RAD9B: variants seen among roughly 807,000 people sequenced by gnomAD.
RAD9B encodes the protein RAD9 checkpoint clamp component B.
In RAD9B, 41 loss-of-function variants were observed where a neutral mutation model predicts 48.3. The ratio of observed to expected loss-of-function variants is 0.85; its 90% confidence interval spans 0.66 to 1.10. RAD9B has a LOEUF of 1.10. RAD9B is among the 50% of genes least tolerant of loss of function. The pLI, the probability that RAD9B is intolerant of heterozygous loss-of-function variation, is 0.00. For synonymous variants in RAD9B, 160 were observed against 157.9 expected (o/e 1.01, Z -0.10); for missense variants, 444 against 485.1 (o/e 0.92, Z 0.80).
intron 10 of RAD9B, among the ~76,000 whole-genome samples, chr12:110,523,124 A>G (rs1421328084): frequency 3.9e-5 from 6 of 152,184 alleles, no homozygotes; most frequent in African/African-American, 1.4e-4. Flanking sequence ...AAGCAAAAAT[A>G]ATATTTTTGA....
At chr12:110,527,445 G>T (rs2063981739) in intron 10 of RAD9B, among the ~76,000 whole-genome samples, 1 of 152,198 alleles carries the variant, frequency 6.6e-6, no homozygotes, top group African/African-American at 2.4e-5. Context: ...GCCTGCCACA[G>T]CCAGTATCAC....
intron 4 of RAD9B, among the ~76,000 whole-genome samples, chr12:110,507,680 C>T (rs1428915080): frequency 2.0e-5 from 3 of 148,608 alleles, no homozygotes; most frequent in East Asian, 2.0e-4. Context: ...GATGGAGTTT[C>T]GCTCTTGTTG....
chr12:110,510,715 C>T (rs2063433766), intron 4 of RAD9B, among the ~76,000 whole-genome samples: 2 of 152,130 alleles, frequency 1.3e-5, no homozygotes, highest in Admixed American at 1.3e-4. Flanking sequence ...GGTTCATACT[C>T]ATTATTGCTA....
intron 9 of RAD9B, among the ~76,000 whole-genome samples, chr12:110,520,628 CTTTTTTTTT>C (rs71083129): frequency 1.0e-5 from 1 of 99,978 alleles, no homozygotes; most frequent in East Asian, 3.1e-4. Context: ...TTCTTGCTTT[CTTTTTTTTT>C]TTTTTTTTTG....
chr12:110,506,960 C>T (rs2063293567), intron 4 of RAD9B, among the ~76,000 whole-genome samples: 1 of 152,066 alleles, frequency 6.6e-6, no homozygotes, highest in Non-Finnish European at 1.5e-5. Flanking sequence ...CCGCCTCAGC[C>T]TCCCAAGTAG....
chr12:110,509,247 C>T (rs1221802089), intron 4 of RAD9B, among the ~76,000 whole-genome samples: 5 of 151,980 alleles, frequency 3.3e-5, no homozygotes, highest in African/African-American at 9.7e-5. Flanking sequence ...GAATTACAGG[C>T]ATAAGCCACC....
At chr12:110,505,976 C>T (rs1200786235) in intron 3 of RAD9B, among the ~76,000 whole-genome samples, 2 of 151,922 alleles carry the variant, frequency 1.3e-5, no homozygotes, top group Non-Finnish European at 2.9e-5. Context: ...CCTCTGCCTC[C>T]CAGTTTCAAG....
At position 110,518,969 on chromosome 12, in the gene RAD9B, T is replaced by G. The variant is rs1459708067; in HGVS notation, c.767+31T>G. Reference sequence around the variant, plus strand: ...TCCTTGAGAATTTTTCTGAGCTTGTTTCTTTTGTTTTATATCAATAACAAA... The same window carrying G: ...TCCTTGAGAATTTTTCTGAGCTTGTGTCTTTTGTTTTATATCAATAACAAA... On this transcript the variant is annotated intron_variant, in intron 8 of 10. Transcript: ENST00000409300. 3 of 1,413,080 alleles carry G rather than the reference T, an allele frequency of 2.1e-6. No individual in the cohort carries two copies. In the South Asian group the frequency reaches 4.0e-5, roughly 19 times the overall value. 87.5% of individuals were successfully genotyped at this position (1,413,080 alleles called of 1,614,324 possible). A position where few individuals can be genotyped will look rare whatever the true frequency, so the allele number is the denominator to read the frequency against.
chr12:110,507,775 T>C (rs1330173546), intron 4 of RAD9B, among the ~76,000 whole-genome samples: 2 of 151,128 alleles, frequency 1.3e-5, no homozygotes, highest in African/African-American at 4.9e-5. Context: ...CTCAGCCTGC[T>C]GAGTAGCTAG....
chr12:110,521,392 A>G (rs1204260837), intron 9 of RAD9B, among the ~76,000 whole-genome samples: 4 of 151,866 alleles, frequency 2.6e-5, no homozygotes, highest in Non-Finnish European at 5.9e-5. Flanking sequence ...GGGCTCAAGC[A>G]GTCTACCTGC....
rs763208507 is a variant in RAD9B, at chr12:110,518,885, A to G, written c.714A>G (p.Thr238=). 3.4e-5 allele frequency: 54 copies of G among 1,579,112 alleles called. No individual in the cohort carries two copies. In the Admixed American group the frequency reaches 9.9e-4, roughly 29 times the overall value. ...TTTTCTTTTTTCAGGGAATACTGACATTTTCAGAAGCTACACATGCTCCTA... is the reference window on the plus strand; with the variant it reads ...TTTTCTTTTTTCAGGGAATACTGACGTTTTCAGAAGCTACACATGCTCCTA... ...FCFKELKGIL[T]FSEATHAPIS... is the part of the protein sequence containing the mutation. The change falls in exon 8 of 11, where the codon ACA becomes ACG. Residue 238 remains threonine, a synonymous_variant. Coordinates refer to ENST00000409300, the MANE Select transcript of RAD9B (RefSeq NM_001286535.2).
chr12:110,518,180 G>T (rs1007231111), intron 6 of RAD9B, among the ~76,000 whole-genome samples: 1 of 150,848 alleles, frequency 6.6e-6, no homozygotes, highest in Non-Finnish European at 1.5e-5. Context: ...AACAGAGTGA[G>T]ACTCCGTCTC....
chr12:110,530,698 A>G lies in RAD9B; in HGVS notation c.*45A>G. On this transcript the variant is annotated 3_prime_UTR_variant, in exon 11 of 11. Transcript: ENST00000409300. ...TGGGCCCCAGCCCAGTGACTGGCTCATTTGCCCCTCAAGCACGAGTTTGCA... is the reference window on the plus strand; with the variant it reads ...TGGGCCCCAGCCCAGTGACTGGCTCGTTTGCCCCTCAAGCACGAGTTTGCA... The G allele has an allele frequency of 2.5e-6, 4 of 1,609,780 alleles. No individual in the cohort carries two copies. The highest frequency in any genetic ancestry group is 1.7e-4 in the Middle Eastern group (1 of 6,026).
At chr12:110,515,383 A>G (rs2063575649) in intron 6 of RAD9B, among the ~76,000 whole-genome samples, 2 of 152,186 alleles carry the variant, frequency 1.3e-5, no homozygotes, top group Admixed American at 1.3e-4. Context: ...GAATGGGGCC[A>G]GGTGCTGTGG....
intron 5 of RAD9B, 26 bp from the exon 6 acceptor site, chr12:110,515,024 T>A: frequency 7.4e-7 from 1 of 1,358,188 alleles, no homozygotes; most frequent in Non-Finnish European, 1.0e-6. Context: ...TCAAATAATG[T>A]TAATACTGTT....
chr12:110,506,636 A>C lies in RAD9B; in HGVS notation c.331A>C (p.Arg111=), dbSNP rs201423075. Reference sequence around the variant, plus strand: ...CCTTGAAAGAAATATAGAGAAGTGCAGAATATTCACCAGATCTGATAAATG... The same window carrying C: ...CCTTGAAAGAAATATAGAGAAGTGCCGAATATTCACCAGATCTGATAAATG... ...NSLERNIEKC[R]IFTRSDKCKV... The change falls in exon 4 of 11, where the codon AGA becomes CGA. Residue 111 remains arginine (R), a synonymous_variant. Coordinates refer to ENST00000409300, the MANE Select transcript of RAD9B (RefSeq NM_001286535.2). The C allele has an allele frequency of 3.6e-3, 5,825 of 1,605,552 alleles. 14 individuals are homozygous for C. Among genetic ancestry groups the C allele is most frequent in the Non-Finnish European group, 4.3e-3 (5,070 of 1,172,572 alleles).
Position 110,531,662 on chromosome 12 carries a change from C to T in RAD9B, c.*1009C>T. On this transcript the variant is annotated 3_prime_UTR_variant, in exon 11 of 11. Transcript: ENST00000409300. ...CAGTATCCTCCACTGCCAAGACAGC[C>T]TGAGTTTGGAGTGGAATAAGGTGGA... 2 of 1,602,546 alleles carry T rather than the reference C, an allele frequency of 1.2e-6. No individual in the cohort carries two copies. Among genetic ancestry groups the T allele is most frequent in the Non-Finnish European group, 1.7e-6 (2 of 1,175,120 alleles).
Position 110,530,581 on chromosome 12 carries a change from C to T in RAD9B, c.1182C>T (p.His394=), listed in dbSNP as rs2064109321. 1 of 1,614,042 alleles carries T rather than the reference C, an allele frequency of 6.2e-7. No homozygotes were observed. The highest frequency in any genetic ancestry group is 8.5e-7 in the Non-Finnish European group (1 of 1,179,886). ...CTGACCAGCAAGAACACTTCAACCACCCTTTCGACAGTCTGGCAAGAGCAA... is the reference window on the plus strand; with the variant it reads ...CTGACCAGCAAGAACACTTCAACCATCCTTTCGACAGTCTGGCAAGAGCAA... The part of the protein sequence containing the change: ...VSSDQQEHFN[H]PFDSLARASD... The change falls in exon 11 of 11, where the codon CAC becomes CAT. Residue 394 remains histidine, a synonymous_variant. Transcript: ENST00000409300.
In RAD9B at chr12:110,502,445, C is replaced by G. The variant is rs1001264840; in HGVS notation, c.46+62C>G. 18 of 1,573,398 alleles carry G rather than the reference C, an allele frequency of 1.1e-5. No homozygotes were observed. In the Middle Eastern group the frequency reaches 6.7e-4, roughly 58 times the overall value. On this transcript the variant is annotated intron_variant, in intron 1 of 10. Transcript: ENST00000409300. ...AGAAAAGCAGACGTTAATAGGTCGT[C>G]CCTACCATTGTCTAATTTTTCCTCT...
Sources: allele counts gnomAD v4.1 joint callset (sites outside exome capture counted in the v4.1 genomes callset), GRCh38; gene constraint gnomAD v4.1.1; transcripts MANE v1.5; gene names NCBI Gene and HGNC (gene_info 2026-07-23, HGNC 2026-07-21).